Variants in TULP4 observed in about 807,000 individuals in gnomAD.
TULP4 encodes the protein tubby-related protein 4.
In TULP4, 16 loss-of-function variants were observed where a neutral mutation model predicts 129.0. That is an observed-to-expected ratio of 0.12 (90% CI 0.08 to 0.19). TULP4 has a LOEUF of 0.19. Among genes scored for constraint, TULP4 ranks in the 10% least tolerant of loss-of-function variants. TULP4 has a pLI of 1.00. For synonymous variants in TULP4, 998 were observed against 854.0 expected (o/e 1.17, Z -2.94); for missense variants, 1,842 against 2,059.1 (o/e 0.89, Z 2.04).
intron 1 of TULP4, among the ~76,000 whole-genome samples, chr6:158,348,699 T>C (rs906881943): frequency 1.3e-5 from 2 of 151,802 alleles, no homozygotes; most frequent in Non-Finnish European, 2.9e-5. Flanking sequence ...TCTTCGGAGC[T>C]GTTGGGTACA....
chr6:158,413,632 C>T lies in TULP4; in HGVS notation c.381+439C>T, dbSNP rs991415442. Among the ~76,000 whole-genome samples, 17 of 152,220 alleles carry T rather than the reference C, an allele frequency of 1.1e-4. No individual in the cohort carries two copies. The highest frequency in any genetic ancestry group is 3.6e-4 in the African/African-American group (15 of 41,448). On this transcript the variant is annotated intron_variant, in intron 2 of 13. Transcript: ENST00000367097. This position sits in a 1 kb window ranked among gnomAD's most constrained non-coding sequence, Gnocchi z 4.9. ...CAAGGAAAGGGTGCTACAATCTCTT[C>T]CACAGGCTTCAATCAGCACGGCCTC...
chr6:158,334,882 AC>A (rs1238792815), intron 1 of TULP4, among the ~76,000 whole-genome samples: 2 of 152,126 alleles, frequency 1.3e-5, no homozygotes, highest in African/African-American at 4.8e-5. Flanking sequence ...GTGTGAGGAC[AC>A]CTAGAAGGTG....
intron 5 of TULP4, among the ~76,000 whole-genome samples, chr6:158,455,714 G>T (rs927207770): frequency 6.7e-6 from 1 of 149,068 alleles, no homozygotes; most frequent in Non-Finnish European, 1.5e-5. Flanking sequence ...TCTAGCCTGG[G>T]TAACAGAGCA....
At chr6:158,390,434 T>C (rs1777560372) in intron 1 of TULP4, among the ~76,000 whole-genome samples, 1 of 152,150 alleles carries the variant, frequency 6.6e-6, no homozygotes, top group South Asian at 2.1e-4. Flanking sequence ...TATTCAGCCA[T>C]ATATTGATAG....
chr6:158,276,846 A>G (rs1778656179), intron 1 of TULP4, among the ~76,000 whole-genome samples: 1 of 152,160 alleles, frequency 6.6e-6, no homozygotes, highest in Admixed American at 6.5e-5. Context: ...GGTATTATGG[A>G]AATAGAGAAG....
At chr6:158,352,001 C>T (rs767834746) in intron 1 of TULP4, among the ~76,000 whole-genome samples, 5 of 152,012 alleles carry the variant, frequency 3.3e-5, no homozygotes, top group South Asian at 2.1e-4. Context: ...GGATTACAGG[C>T]GTGAGCTACC....
intron 1 of TULP4, among the ~76,000 whole-genome samples, chr6:158,410,051 T>A (rs547275374): frequency 3.3e-3 from 506 of 152,290 alleles, no homozygotes; most frequent in Non-Finnish European, 6.2e-3. Flanking sequence ...AGACGGGGTT[T>A]CACCGTGTTA....
chr6:158,241,846 G>A (rs1237824195), intron 1 of TULP4: 9 of 627,518 alleles, frequency 1.4e-5, no homozygotes, highest in South Asian at 3.1e-5. Context: ...GCCTGCCTCC[G>A]CCTCCCAAAG....
intron 1 of TULP4, among the ~76,000 whole-genome samples, chr6:158,275,869 C>A (rs1778637500): frequency 6.6e-6 from 1 of 152,114 alleles, no homozygotes; most frequent in Non-Finnish European, 1.5e-5. Flanking sequence ...TGTGAAAGTA[C>A]TGAGGGAGGG....
chr6:158,446,905 C>G (rs774910157), intron 3 of TULP4, among the ~76,000 whole-genome samples: 1 of 152,184 alleles, frequency 6.6e-6, no homozygotes, highest in African/African-American at 2.4e-5. Context: ...CCCACCCTCA[C>G]GACCTTGTCT....
chr6:158,468,187 T>C (rs1779595970), intron 6 of TULP4, among the ~76,000 whole-genome samples: 1 of 152,232 alleles, frequency 6.6e-6, no homozygotes, highest in Non-Finnish European at 1.5e-5. Flanking sequence ...GTAATTGACA[T>C]TGTGGACTTC....
chr6:158,240,256 C>T (rs960604478), intron 1 of TULP4, among the ~76,000 whole-genome samples: 1 of 78,022 alleles, frequency 1.3e-5, no homozygotes, highest in African/African-American at 4.4e-5. Context: ...GGCGGCTGGC[C>T]GGGCAGAGGG....
Position 158,498,768 on chromosome 6 carries a change from T to C in TULP4, c.1970T>C (p.Val657Ala). The C allele has an allele frequency of 1.9e-6, 3 of 1,614,256 alleles. No homozygotes were observed. Among genetic ancestry groups the C allele is most frequent in the Non-Finnish European group, 2.5e-6 (3 of 1,180,044 alleles). The stretch of plus-strand genomic sequence containing the variant: ...TCCATGGACTATATTAATTTACCTG[T>C]CTTCAACCCAAATGTTTTCAGTGAA... The part of the protein sequence containing the change: ...KISMDYINLP[V>A]FNPNVFSEDE... Residue 657 changes from valine to alanine, a missense_variant, in exon 12 of 14, where the codon GTC (valine) becomes GCC (alanine). This residue lies in a region of TULP4 where 99 missense variants were observed against 165.1 expected (regional missense o/e 0.60). Transcript: ENST00000367097.
At chr6:158,383,348 A>G (rs1449496697) in intron 1 of TULP4, among the ~76,000 whole-genome samples, 1 of 152,234 alleles carries the variant, frequency 6.6e-6, no homozygotes, top group Non-Finnish European at 1.5e-5. Flanking sequence ...CTGCTGTAAC[A>G]TGGGATGATT....
chr6:158,298,676 T>A (rs1304831193), intron 1 of TULP4, among the ~76,000 whole-genome samples: 1 of 152,196 alleles, frequency 6.6e-6, no homozygotes, highest in Non-Finnish European at 1.5e-5. Flanking sequence ...GTTTGATTGT[T>A]CGTCCAAATT....
intron 8 of TULP4, among the ~76,000 whole-genome samples, chr6:158,487,728 G>A (rs912313168): frequency 1.3e-5 from 2 of 152,274 alleles, no homozygotes; most frequent in African/African-American, 4.8e-5. Flanking sequence ...GATGACAGAC[G>A]TCAGAGTGGC....
chr6:158,332,221 ATATATAT>A, intron 1 of TULP4, among the ~76,000 whole-genome samples: 1 of 140,220 alleles, frequency 7.1e-6, no homozygotes. Flanking sequence ...ATATATATAT[ATATATAT>A]AAATTGAAAA....
chr6:158,308,895 C>T (rs1186606863), upstream of TULP4, among the ~76,000 whole-genome samples: 4 of 139,704 alleles, frequency 2.9e-5, 1 homozygote, highest in African/African-American at 1.1e-4. Flanking sequence ...CTGACCCCCC[C>T]ACCTCCCTCC....
chr6:158,308,460 T>C (rs1421597454), upstream of TULP4, among the ~76,000 whole-genome samples: 2 of 152,016 alleles, frequency 1.3e-5, no homozygotes, highest in African/African-American at 4.8e-5. Context: ...CTTTCCCCCC[T>C]TTCTATTCCA....
Sources: allele counts gnomAD v4.1 joint callset (sites outside exome capture counted in the v4.1 genomes callset), GRCh38; gene constraint gnomAD v4.1.1; regional missense constraint gnomAD v4.1.1; non-coding constraint Gnocchi (gnomAD v3.1); transcripts MANE v1.5; gene names NCBI Gene and HGNC (gene_info 2026-07-23, HGNC 2026-07-21).